Variants in CDCA5 observed in about 807,000 individuals in gnomAD.
CDCA5 encodes sororin.
Under a neutral mutation model 25.7 loss-of-function variants are expected in CDCA5, and 14 were observed. The ratio of observed to expected loss-of-function variants is 0.54; its 90% confidence interval spans 0.36 to 0.85. The LOEUF (loss-of-function observed/expected upper bound fraction) is 0.85. Among genes scored for constraint, CDCA5 ranks in the 40% least tolerant of loss-of-function variants. The probability of loss-of-function intolerance (pLI) is 0.01; values close to 1 mark genes in which losing one functional copy is unlikely to be tolerated. For missense variants in CDCA5, 307 were observed against 324.5 expected, an observed-to-expected ratio of 0.95 and a Z score of 0.41; for synonymous variants, 127 against 128.7, an observed-to-expected ratio of 0.99 and a Z score of 0.09.
Position 65,079,163 on chromosome 11 carries a change from C to T in CDCA5, c.703G>A (p.Ala235Thr). 4 of 1,521,566 alleles carry T rather than the reference C, an allele frequency of 2.6e-6. No homozygotes were observed. In the South Asian group the frequency reaches 5.3e-5, roughly 20 times the overall value. 94.3% of individuals were successfully genotyped at this position (1,521,566 alleles called of 1,614,324 possible). Residue 235 changes from alanine to threonine, a missense_variant, in exon 6 of 6, where the codon GCG becomes ACG. Physicochemically the swap from Ala to Thr is moderately conservative, Grantham distance 58. Coordinates refer to ENST00000275517, the MANE Select transcript of CDCA5 (RefSeq NM_080668.4). Reference protein sequence around the residue: ...ILKTELDEWAAAMNAEFEAAE... With the variant: ...ILKTELDEWATAMNAEFEAAE... The stretch of plus-strand genomic sequence containing the variant: ...GCTTCAAACTCGGCATTCATGGCCG[C>T]AGCCCACTCATCCAGCTCCGTTTTC...
chr11:65,066,570 G>A (rs764893044), exon 6 of CDCA5: 21 of 1,289,256 alleles, frequency 1.6e-5, no homozygotes, highest in South Asian at 3.7e-5. Flanking sequence ...AGCCACCTCC[G>A]GCAGGGCCTG....
intron 1 of CDCA5, among the ~76,000 whole-genome samples, chr11:65,069,369 C>A (rs926596110): frequency 2.6e-5 from 4 of 152,062 alleles, no homozygotes; most frequent in Non-Finnish European, 5.9e-5. Flanking sequence ...AGTCCACCTG[C>A]GCCTCTAGAT....
At chr11:65,068,853 C>T (rs1947290803) in intron 1 of CDCA5, among the ~76,000 whole-genome samples, 1 of 152,202 alleles carries the variant, frequency 6.6e-6, no homozygotes, top group South Asian at 2.1e-4. Context: ...TTGGGATATA[C>T]TTACACTAAA....
In CDCA5 at chr11:65,078,674, G is replaced by C. The variant is rs757649778; in HGVS notation, c.*433C>G. On this transcript the variant is annotated 3_prime_UTR_variant, in exon 6 of 6. Coordinates refer to ENST00000275517, the MANE Select transcript of CDCA5 (RefSeq NM_080668.4). ...TCAAGAAGAAAGCCACCAACAGAAG[G>C]CAACTCAGGAGGGAGAGGCCGAGGC... 4.8e-4 allele frequency: 475 copies of C among 997,290 alleles called. No individual in the cohort carries two copies. The highest frequency in any genetic ancestry group is 5.6e-4 in the Non-Finnish European group (466 of 838,474). 61.8% of individuals were successfully genotyped at this position (997,290 alleles called of 1,614,324 possible). A position where few individuals can be genotyped will look rare whatever the true frequency, so the allele number is the denominator to read the frequency against.
At chr11:65,063,179 C>T (rs1305349192), downstream of CDCA5, among the ~76,000 whole-genome samples, 1 of 152,244 alleles carries the variant, frequency 6.6e-6, no homozygotes, top group Non-Finnish European at 1.5e-5. Flanking sequence ...ATGCATAGGA[C>T]ACCTGCGTAA....
downstream of CDCA5, among the ~76,000 whole-genome samples, chr11:65,073,586 T>C (rs1053305733): frequency 1.3e-5 from 2 of 152,148 alleles, no homozygotes; most frequent in Non-Finnish European, 2.9e-5. Context: ...CAGCCTGCGG[T>C]GGGTCTGTGG....
chr11:65,064,456 G>C (rs1252614948), downstream of CDCA5, among the ~76,000 whole-genome samples: 1 of 148,552 alleles, frequency 6.7e-6, no homozygotes, highest in Non-Finnish European at 1.5e-5. Context: ...GTCTCTCTCT[G>C]TGTCCTTTTA....
In CDCA5 at chr11:65,078,840, G is replaced by A; in HGVS notation, c.*267C>T. ...CAGTCTGTGGCCCATCTGGAAACTGGCTATGGTACTTTGGGGAGATAGGAA... is the reference window on the plus strand; with the variant it reads ...CAGTCTGTGGCCCATCTGGAAACTGACTATGGTACTTTGGGGAGATAGGAA... On this transcript the variant is annotated 3_prime_UTR_variant, in exon 6 of 6. Transcript: ENST00000275517. 1 of 1,190,276 alleles carries A rather than the reference G, an allele frequency of 8.4e-7. No individual in the cohort carries two copies. Among genetic ancestry groups the A allele is most frequent in the African/African-American group, 1.6e-5 (1 of 63,678 alleles). 73.7% of individuals were successfully genotyped at this position (1,190,276 alleles called of 1,614,324 possible).
chr11:65,064,751 T>C (rs1947216891), downstream of CDCA5, among the ~76,000 whole-genome samples: 1 of 152,086 alleles, frequency 6.6e-6, no homozygotes, highest in Non-Finnish European at 1.5e-5. Flanking sequence ...CTGGGAGCGG[T>C]AGCTAATGCC....
downstream of CDCA5, among the ~76,000 whole-genome samples, chr11:65,061,448 G>T (rs1249205439): frequency 6.6e-6 from 1 of 152,140 alleles, no homozygotes; most frequent in Non-Finnish European, 1.5e-5. Context: ...CATGTTTATG[G>T]TTTTGGGCTA....
downstream of CDCA5, among the ~76,000 whole-genome samples, chr11:65,074,461 G>A (rs1166860701): frequency 1.3e-5 from 2 of 152,122 alleles, no homozygotes; most frequent in African/African-American, 2.4e-5. Context: ...CATTTGTGTT[G>A]TTTCCAGCTT....
rs1947522984 is a variant in CDCA5, at chr11:65,079,658, T to C, written c.373A>G (p.Ser125Gly). The stretch of plus-strand genomic sequence containing the variant: ...GCGTCCAGCTCTCCTTCCTTGGAGC[T>C]GGACTCGGCCTCAGGGTTCGGCACA... The part of the protein sequence containing the change: ...TPVPNPEAES[S>G]SKEGELDARD... Residue 125 changes from serine (S) to glycine (G), a missense_variant, in exon 5 of 6, where the codon AGC (serine) becomes GGC (glycine). Physicochemically the swap from Ser to Gly is moderately conservative, Grantham distance 56 (BLOSUM62 0). Transcript: ENST00000275517. 1.2e-6 allele frequency: 2 copies of C among 1,605,156 alleles called. No homozygotes were observed. Among genetic ancestry groups the C allele is most frequent in the African/African-American group, 1.3e-5 (1 of 74,610 alleles).
At chr11:65,083,787 T>C in intron 1 of CDCA5, 64 bp from the exon 2 acceptor site, 1 of 1,576,992 alleles carries the variant, frequency 6.3e-7, no homozygotes, top group Non-Finnish European at 8.7e-7. Flanking sequence ...AGAGAACAGG[T>C]TCTAGAGACA....
At chr11:65,068,838 A>G (rs983942641) in intron 1 of CDCA5, among the ~76,000 whole-genome samples, 1 of 152,234 alleles carries the variant, frequency 6.6e-6, no homozygotes, top group Non-Finnish European at 1.5e-5. Flanking sequence ...TGTCTCACAC[A>G]ATGTTTGGGA....
At chr11:65,080,476 C>T (rs1227427004) in intron 4 of CDCA5, among the ~76,000 whole-genome samples, 1 of 152,002 alleles carries the variant, frequency 6.6e-6, no homozygotes, top group East Asian at 1.9e-4. Flanking sequence ...TGCAGTGGCA[C>T]GATCATGGCT....
chr11:65,068,839 A>G (rs1368832703), intron 1 of CDCA5, among the ~76,000 whole-genome samples: 2 of 152,240 alleles, frequency 1.3e-5, no homozygotes, highest in African/African-American at 4.8e-5. Flanking sequence ...GTCTCACACA[A>G]TGTTTGGGAT....
At chr11:65,070,468 C>T (rs767222347) in intron 1 of CDCA5, among the ~76,000 whole-genome samples, 1 of 152,140 alleles carries the variant, frequency 6.6e-6, no homozygotes, top group Non-Finnish European at 1.5e-5. Flanking sequence ...CTCAGATAAA[C>T]GATGAATTTT....
In CDCA5 at chr11:65,079,692, G is replaced by C; in HGVS notation, c.339C>G (p.Thr113=). 2 of 1,585,436 alleles carry C rather than the reference G, an allele frequency of 1.3e-6. No individual in the cohort carries two copies. The highest frequency in any genetic ancestry group is 1.7e-6 in the Non-Finnish European group (2 of 1,164,170). Residue 113 remains threonine, a synonymous_variant, in exon 5 of 6, where the codon ACC becomes ACG. Coordinates refer to ENST00000275517, the MANE Select transcript of CDCA5 (RefSeq NM_080668.4). ...CCTCAGGGTTCGGCACAGGAGTGCT[G>C]GTGGGGGTGGCAGGGACGCTGTGTG... is the stretch of plus-strand genomic sequence containing the variant. ...FKTHSVPATP[T]STPVPNPEAE...
downstream of CDCA5, among the ~76,000 whole-genome samples, chr11:65,064,040 T>C (rs1264305245): frequency 6.6e-6 from 1 of 152,128 alleles, no homozygotes; most frequent in African/African-American, 2.4e-5. Context: ...GGGAGGGGGC[T>C]CCGTAATAGA....
Sources: allele counts gnomAD v4.1 joint callset (sites outside exome capture counted in the v4.1 genomes callset), GRCh38; gene constraint gnomAD v4.1.1; transcripts MANE v1.5; gene names NCBI Gene and HGNC (gene_info 2026-07-23, HGNC 2026-07-21).